RABEP2: variants seen among roughly 807,000 people sequenced by gnomAD.
RABEP2 encodes rabaptin, RAB GTPase binding effector protein 2.
RABEP2 carries 57 observed loss-of-function variants against 74.1 expected under a neutral mutation model. The ratio of observed to expected loss-of-function variants is 0.77; its 90% confidence interval spans 0.62 to 0.96. The LOEUF is 0.96. Ranked by LOEUF, RABEP2 falls within the 40% of genes least tolerant of loss-of-function variation. The pLI is 0.00. For synonymous variants in RABEP2, 351 were observed against 344.0 expected, an observed-to-expected ratio of 1.02 and a Z score of -0.23; for missense variants, 692 against 756.3, an observed-to-expected ratio of 0.91 and a Z score of 1.00.
intron 5 of RABEP2, among the ~76,000 whole-genome samples, chr16:28,913,931 C>T (rs947438493): frequency 2.0e-5 from 3 of 150,684 alleles, no homozygotes; most frequent in African/African-American, 7.3e-5. Context: ...CAAGTGTATA[C>T]TTGGCTTTTT....
At chr16:28,905,077 T>C (rs1471650914) in intron 12 of RABEP2, 33 bp from the exon 13 acceptor site, 3 of 1,561,832 alleles carry the variant, frequency 1.9e-6, no homozygotes, top group Non-Finnish European at 2.6e-6. Flanking sequence ...CAGAGTGCAC[T>C]TGTGGGGAAA....
intron 3 of RABEP2, among the ~76,000 whole-genome samples, chr16:28,917,216 T>C (rs1203190521): frequency 6.6e-6 from 1 of 152,076 alleles, no homozygotes; most frequent in Non-Finnish European, 1.5e-5. Context: ...CCTCTAACCG[T>C]AGATACCCAA....
chr16:28,913,462 T>C (rs1295773632), intron 5 of RABEP2, among the ~76,000 whole-genome samples: 1 of 152,110 alleles, frequency 6.6e-6, no homozygotes, highest in Non-Finnish European at 1.5e-5. Context: ...AAATATACAA[T>C]TCATTTTTTG....
Position 28,914,440 on chromosome 16 carries a change from GT to G in RABEP2, c.689del (p.Asp230AlafsTer27). 6.2e-7 allele frequency: 1 copy of G among 1,613,600 alleles called. No individual in the cohort carries two copies. Among genetic ancestry groups the G allele is most frequent in the Non-Finnish European group, 8.5e-7 (1 of 1,179,976 alleles). ...AAEAFAHNCD[D>X]SASISSFSLG... Reference sequence around the variant, plus strand: ...GGGAGAAGGAGGAGATGGAGGCGCTGTCATCGCAGTTGTGAGCGAAGGCCTC... The same window carrying G: ...GGGAGAAGGAGGAGATGGAGGCGCTGCATCGCAGTTGTGAGCGAAGGCCTC... On this transcript the variant is annotated frameshift_variant, in exon 5 of 13. Coordinates refer to ENST00000358201, the MANE Select transcript of RABEP2 (RefSeq NM_024816.3). LOFTEE classifies it high-confidence loss of function.
rs1964225495 is a variant in RABEP2 at position 28,906,073 on chromosome 16, T to A, written c.1369A>T (p.Thr457Ser). 6.3e-7 allele frequency: 1 copy of A among 1,599,314 alleles called. No individual in the cohort carries two copies. The highest frequency in any genetic ancestry group is 2.3e-5 in the East Asian group (1 of 44,132). The change falls in exon 9 of 13, where the codon ACA becomes TCA. Residue 457 changes from threonine to serine, a missense_variant. Transcript: ENST00000358201. ...VTLREALEEE[T>S]VARASLEGQL... ...CCCTCCAGGCTGGCCCTGGCCACTG[T>A]CTCCTCCTCCAGAGCCTCCCGCAGC...
At chr16:28,912,794 G>A (rs11863883) in intron 5 of RABEP2, among the ~76,000 whole-genome samples, 3,818 of 152,080 alleles carry the variant, frequency 0.025, 165 homozygotes, top group African/African-American at 0.086. Context: ...CTCCTAAGAC[G>A]CACAATGCAC....
chr16:28,905,812 C>T (rs1964218988), intron 10 of RABEP2, 53 bp from the exon 11 acceptor site: 2 of 1,613,988 alleles, frequency 1.2e-6, no homozygotes, highest in Non-Finnish European at 1.7e-6. Flanking sequence ...TCCCTTTCCC[C>T]ACCTAGCCCA....
rs375796908 is a variant in RABEP2 at position 28,905,699 on chromosome 16, C to A, written c.1491+5G>T. The A allele has an allele frequency of 1.2e-6, 2 of 1,613,758 alleles. No individual in the cohort carries two copies. Among genetic ancestry groups the A allele is most frequent in the Non-Finnish European group, 1.7e-6 (2 of 1,179,840 alleles). On this transcript the variant is annotated splice_donor_5th_base_variant and intron_variant, in intron 11 of 12. Transcript: ENST00000358201. ...TCCTCCCAGTCCCCCTGCCCTCCCC[C>A]TCACCTTGCTCTGTTCCTGCTGCAC... is the stretch of plus-strand genomic sequence containing the variant.
intron 9 of RABEP2, 56 bp downstream of exon 9, chr16:28,905,963 G>GC (rs1367878118): frequency 3.7e-5 from 60 of 1,611,972 alleles, no homozygotes; most frequent in Non-Finnish European, 5.0e-5. Flanking sequence ...GTGGCTCCCT[G>GC]CAAGGCCGAC....
rs756862564 is a variant in RABEP2 at position 28,910,912 on chromosome 16, G to A, written c.1065C>T (p.Ala355=). The change falls in exon 7 of 13, where the codon GCC becomes GCT. Residue 355 remains alanine (A), a synonymous_variant. Transcript: ENST00000358201. ...LRTLQGTVSQ[A]QERVQLQMAE... is the part of the protein sequence containing the mutation. ...CCATCTGCAGCTGCACCCGCTCCTGGGCCTGGCTCACGGTCCCTTGCAGGG... is the reference window on the plus strand; with the variant it reads ...CCATCTGCAGCTGCACCCGCTCCTGAGCCTGGCTCACGGTCCCTTGCAGGG... 6.2e-7 allele frequency: 1 copy of A among 1,612,730 alleles called. No individual in the cohort carries two copies. Among genetic ancestry groups the A allele is most frequent in the Non-Finnish European group, 8.5e-7 (1 of 1,179,600 alleles).
rs1275695400 is a variant in RABEP2 at position 28,914,268 on chromosome 16, G to C, written c.862C>G (p.Pro288Ala). 2 of 1,610,058 alleles carry C rather than the reference G, an allele frequency of 1.2e-6. No individual in the cohort carries two copies. Among genetic ancestry groups the C allele is most frequent in the Non-Finnish European group, 1.7e-6 (2 of 1,179,028 alleles). Residue 288 changes from proline to alanine, a missense_variant, in exon 5 of 13, where the codon CCA becomes GCA. By Grantham distance (27) the Pro-to-Ala change is conservative. Transcript: ENST00000358201. ...TGCAGCTGCTCCCACTGAGTGTCTG[G>C]GACGAGCTGGTAGCCAGGAGGGGGC... ...YLPPPGYQLV[P>A]DTQWEQLQTE...
chr16:28,908,536 A>C, intron 8 of RABEP2, 73 bp downstream of exon 8: 1 of 1,477,376 alleles, frequency 6.8e-7, no homozygotes, highest in South Asian at 1.3e-5. Flanking sequence ...GGTCGTGACC[A>C]ACGCTCTGCC....
At chr16:28,925,072 T>C in intron 1 of RABEP2, 31 bp downstream of exon 1, 1 of 1,548,322 alleles carries the variant, frequency 6.5e-7, no homozygotes, top group Non-Finnish European at 8.7e-7. Flanking sequence ...GCATCACCGT[T>C]CCCCGCTTGC....
chr16:28,912,677 T>G (rs1234392579), intron 5 of RABEP2, among the ~76,000 whole-genome samples: 1 of 152,092 alleles, frequency 6.6e-6, no homozygotes, highest in Non-Finnish European at 1.5e-5. Context: ...TGTCCCAAAG[T>G]GCTGAGATTA....
chr16:28,906,022 T>A lies in RABEP2; in HGVS notation c.1420A>T (p.Thr474Ser). 2 of 1,606,378 alleles carry A rather than the reference T, an allele frequency of 1.2e-6. No homozygotes were observed. The highest frequency in any genetic ancestry group is 8.5e-7 in the Non-Finnish European group (1 of 1,177,088). Residue 474 changes from threonine (T) to serine (S), a missense_variant, in exon 9 of 13, where the codon ACA becomes TCA. Thr to Ser is a moderately conservative substitution (Grantham distance 58). Transcript: ENST00000358201. ...GGGCTTGTGCCCCTCCCCTCACCTG[T>A]CTCCTCCCGCTGCACCCTCAGCTGC... ...EGQLRVQREE[T>S]EVLEASLCSL...
chr16:28,906,374 G>A lies in RABEP2; in HGVS notation c.1246-178C>T, dbSNP rs148829356. Among the ~76,000 whole-genome samples, 416 of 152,322 alleles carry A rather than the reference G, an allele frequency of 2.7e-3. 4 individuals carry two copies. The highest frequency in any genetic ancestry group is 9.3e-3 in the African/African-American group (385 of 41,576). On this transcript the variant is annotated intron_variant, in intron 8 of 12. Coordinates refer to ENST00000358201, the MANE Select transcript of RABEP2 (RefSeq NM_024816.3). The stretch of plus-strand genomic sequence containing the variant: ...TCTGGGAGGAGGACAGGTGCGCTCC[G>A]GCCCAGGAGAGGAAGCTCAGGACAC...
intron 7 of RABEP2, 36 bp from the exon 8 acceptor site, chr16:28,908,800 G>C: frequency 6.2e-7 from 1 of 1,601,174 alleles, no homozygotes; most frequent in South Asian, 1.1e-5. Context: ...CAATGAAGAG[G>C]ACAGGGCGTC....
At chr16:28,924,991 T>C (rs953574853) in intron 1 of RABEP2, 112 bp downstream of exon 1, 62 of 1,202,100 alleles carry the variant, frequency 5.2e-5, no homozygotes, top group Admixed American at 1.0e-4. Flanking sequence ...CCCGACGGCG[T>C]GGCCCCGCCC....
intron 3 of RABEP2, among the ~76,000 whole-genome samples, chr16:28,917,186 G>A (rs1403752955): frequency 6.6e-6 from 1 of 151,850 alleles, no homozygotes; most frequent in Non-Finnish European, 1.5e-5. Context: ...ACCTATCTCC[G>A]CTTATATGTC....
Sources: gnomAD v4.1 joint callset for allele counts (sites outside exome capture counted in the v4.1 genomes callset) on GRCh38, gnomAD v4.1.1 for gene constraint, MANE v1.5 for transcripts, NCBI Gene and HGNC (gene_info 2026-07-23, HGNC 2026-07-21) for gene names.